The following VSNL1 variants were observed in gnomAD, a reference collection of about 807,000 sequenced individuals.
VSNL1 encodes visinin-like protein 1.
A neutral mutation model predicts 20.4 loss-of-function variants in VSNL1; 6 were observed. The ratio of observed to expected loss-of-function variants is 0.29; its 90% CI spans 0.16 to 0.58. VSNL1 has a LOEUF of 0.58. Among genes scored for constraint, VSNL1 ranks in the 20% least tolerant of loss-of-function variants. VSNL1 has a pLI of 0.90. For missense variants in VSNL1, 100 were observed against 234.5 expected (o/e 0.43, Z 3.75); for synonymous variants, 93 against 86.4 (o/e 1.08, Z -0.42).
intron 2 of VSNL1, among the ~76,000 whole-genome samples, chr2:17,596,449 G>A (rs1260251139): frequency 1.3e-5 from 2 of 152,318 alleles, no homozygotes; most frequent in East Asian, 1.9e-4. Flanking sequence ...TATTTTCACA[G>A]AATTGGCCAC....
intron 1 of VSNL1, among the ~76,000 whole-genome samples, chr2:17,582,636 A>C (rs1196155496): frequency 6.6e-6 from 1 of 152,112 alleles, no homozygotes; most frequent in African/African-American, 2.4e-5. Flanking sequence ...CAGACTCTGC[A>C]TGGAACCTTG....
chr2:17,603,503 A>G (rs1168637620), intron 2 of VSNL1, among the ~76,000 whole-genome samples: 1 of 152,210 alleles, frequency 6.6e-6, no homozygotes, highest in East Asian at 1.9e-4. Flanking sequence ...GGGGACACAA[A>G]CATTCAGACT....
At chr2:17,568,247 A>G (rs916079872) in intron 1 of VSNL1, among the ~76,000 whole-genome samples, 4 of 152,084 alleles carry the variant, frequency 2.6e-5, no homozygotes, top group Non-Finnish European at 5.9e-5. Context: ...TTTAATATGT[A>G]TACTTAACAA....
rs550107928 is a variant in VSNL1 at position 17,607,569 on chromosome 2, G to T, written c.162+15333G>T. ...TTCTTAAGTTCCCTTCCAACAGCAA[G>T]ATTCTAGAAATCACGTGCAGCTGTC... On this transcript the variant is annotated intron_variant, in intron 2 of 3. Transcript: ENST00000295156. 6.6e-5 allele frequency among the ~76,000 whole-genome samples: 10 copies of T among 152,292 alleles called. No homozygotes were observed. In the South Asian group the frequency reaches 2.1e-3, roughly 32 times the overall value.
intron 1 of VSNL1, among the ~76,000 whole-genome samples, chr2:17,575,065 G>A (rs771263236): frequency 2.0e-5 from 3 of 152,064 alleles, no homozygotes; most frequent in Non-Finnish European, 2.9e-5. Flanking sequence ...CTGGACTCAA[G>A]CAATCCACCT....
At chr2:17,612,656 A>C (rs778550195) in intron 2 of VSNL1, among the ~76,000 whole-genome samples, 1 of 152,122 alleles carries the variant, frequency 6.6e-6, no homozygotes, top group African/African-American at 2.4e-5. Context: ...CCCTCTTCTG[A>C]TTCAGTGTAA....
rs1394369397 is a variant in VSNL1 at position 17,618,420 on chromosome 2, T to C, written c.162+26184T>C. Among the ~76,000 whole-genome samples, 3 of 152,234 alleles carry C rather than the reference T, an allele frequency of 2.0e-5. No individual in the cohort carries two copies. The East Asian group carries it at 5.8e-4, about 29-fold the overall frequency. On this transcript the variant is annotated intron_variant, in intron 2 of 3. Coordinates refer to ENST00000295156, the MANE Select transcript of VSNL1 (RefSeq NM_003385.5). ...ATCTCTGCCTGCTTTGCTTACACTGTCACGTCCCCTTCTCTGACTCTTGTA... is the reference window on the plus strand; with the variant it reads ...ATCTCTGCCTGCTTTGCTTACACTGCCACGTCCCCTTCTCTGACTCTTGTA...
intron 1 of VSNL1, among the ~76,000 whole-genome samples, chr2:17,587,635 A>C (rs1401326483): frequency 6.6e-6 from 1 of 152,144 alleles, no homozygotes; most frequent in Non-Finnish European, 1.5e-5. Context: ...AGGTAGTTGC[A>C]GTATCTTTGA....
chr2:17,544,812 A>G (rs1289163265), intron 1 of VSNL1, among the ~76,000 whole-genome samples: 1 of 152,202 alleles, frequency 6.6e-6, no homozygotes, highest in Non-Finnish European at 1.5e-5. Context: ...GTCCATCTTC[A>G]TTATGCATAG....
intron 1 of VSNL1, among the ~76,000 whole-genome samples, chr2:17,557,414 T>A (rs1663711687): frequency 6.6e-6 from 1 of 152,218 alleles, no homozygotes; most frequent in Admixed American, 6.5e-5. Context: ...TCATGGAGAT[T>A]AGAGTCTAGC....
intron 1 of VSNL1, among the ~76,000 whole-genome samples, chr2:17,542,742 G>T (rs1663314785): frequency 6.6e-6 from 1 of 152,154 alleles, no homozygotes; most frequent in African/African-American, 2.4e-5. Flanking sequence ...CATTGATAAA[G>T]AGGGGTGGTA....
chr2:17,549,848 T>A (rs1236696905), intron 1 of VSNL1, among the ~76,000 whole-genome samples: 1 of 152,254 alleles, frequency 6.6e-6, no homozygotes, highest in South Asian at 2.1e-4. Context: ...CAACATTTCA[T>A]TGTTGTTCTG....
chr2:17,590,018 C>A (rs1192959868), intron 1 of VSNL1, among the ~76,000 whole-genome samples: 1 of 152,122 alleles, frequency 6.6e-6, no homozygotes, highest in African/African-American at 2.4e-5. Flanking sequence ...TCCTATAGAT[C>A]CAGGTTCAAA....
chr2:17,614,937 G>A (rs1353320279), intron 2 of VSNL1, among the ~76,000 whole-genome samples: 1 of 152,210 alleles, frequency 6.6e-6, no homozygotes, highest in Non-Finnish European at 1.5e-5. Context: ...CCTGCACTTA[G>A]GAAGTTACCA....
At chr2:17,603,955 C>T (rs1157839540) in intron 2 of VSNL1, among the ~76,000 whole-genome samples, 1 of 152,132 alleles carries the variant, frequency 6.6e-6, no homozygotes, top group Non-Finnish European at 1.5e-5. Flanking sequence ...ATTGTCTGTA[C>T]CTTGTGTGTA....
chr2:17,624,800 TATAAG>T (rs1382805848), intron 2 of VSNL1, among the ~76,000 whole-genome samples: 1 of 152,182 alleles, frequency 6.6e-6, no homozygotes, highest in Non-Finnish European at 1.5e-5. Context: ...CTCCCAGAAC[TATAAG>T]ATAATGAATG....
At chr2:17,610,667 C>T (rs1665062802) in intron 2 of VSNL1, among the ~76,000 whole-genome samples, 1 of 152,172 alleles carries the variant, frequency 6.6e-6, no homozygotes, top group Non-Finnish European at 1.5e-5. Context: ...CCCTTCCTGC[C>T]CATTAGTCAG....
chr2:17,614,042 A>G (rs1665154386), intron 2 of VSNL1, among the ~76,000 whole-genome samples: 1 of 152,192 alleles, frequency 6.6e-6, no homozygotes. Flanking sequence ...GCTGGTCGGA[A>G]AAGGCTTTCT....
intron 1 of VSNL1, among the ~76,000 whole-genome samples, chr2:17,569,367 A>C (rs1380898642): frequency 6.6e-6 from 1 of 151,702 alleles, no homozygotes. Context: ...ATTAAAAAAA[A>C]TATTGTCATG....
Sources: allele counts gnomAD v4.1 joint callset (sites outside exome capture counted in the v4.1 genomes callset), GRCh38; gene constraint gnomAD v4.1.1; transcripts MANE v1.5; gene names NCBI Gene and HGNC (gene_info 2026-07-23, HGNC 2026-07-21).